The following EPM2A variants were observed in gnomAD, a reference collection of about 807,000 sequenced individuals.
EPM2A encodes EPM2A glucan phosphatase, laforin.
EPM2A carries 21 observed loss-of-function variants against 26.5 expected under a neutral mutation model. The ratio of observed to expected loss-of-function variants is 0.79; its 90% CI spans 0.56 to 1.14. The LOEUF (loss-of-function observed/expected upper bound fraction) is 1.14, where lower values mean the gene tolerates loss of function less well. Ranked by LOEUF, EPM2A falls within the 50% of genes most tolerant of loss-of-function variation. EPM2A has a pLI of 0.00. For synonymous variants in EPM2A, 217 were observed against 177.6 expected, an observed-to-expected ratio of 1.22 and a Z score of -1.76; for missense variants, 458 against 440.8, an observed-to-expected ratio of 1.04 and a Z score of -0.35.
At chr6:145,480,960 T>C (rs1229321554) in intron 4 of EPM2A, among the ~76,000 whole-genome samples, 4 of 152,130 alleles carry the variant, frequency 2.6e-5, no homozygotes, top group Non-Finnish European at 5.9e-5. Flanking sequence ...GAGTCTAAAC[T>C]GGAGTTGCAT....
intron 2 of EPM2A, among the ~76,000 whole-genome samples, chr6:145,531,046 G>T (rs1382874675): frequency 6.6e-6 from 1 of 152,186 alleles, no homozygotes; most frequent in Non-Finnish European, 1.5e-5. Flanking sequence ...AAGATATGGT[G>T]TCTCCACTAT....
downstream of EPM2A, among the ~76,000 whole-genome samples, chr6:145,621,345 C>T (rs1278696433): frequency 1.3e-5 from 2 of 152,170 alleles, no homozygotes; most frequent in African/African-American, 4.8e-5. Context: ...ATTCATCTGT[C>T]ATTGGATACT....
intron 1 of EPM2A, among the ~76,000 whole-genome samples, chr6:145,704,353 T>A (rs1324871799): frequency 6.6e-6 from 1 of 152,160 alleles, no homozygotes; most frequent in Non-Finnish European, 1.5e-5. Flanking sequence ...AAAATTACAG[T>A]AGAGTGCAAG....
intron 4 of EPM2A, among the ~76,000 whole-genome samples, chr6:145,488,520 T>TGAGAGAGAGAGAGAGAGAGAGA (rs1215856544): frequency 2.9e-4 from 39 of 136,598 alleles, no homozygotes; most frequent in Middle Eastern, 3.7e-3. Context: ...TGTGTGTGTG[T>TGAGAGAGAGAGAGAGAGAGAGA]GTGAGAGAGA....
intron 4 of EPM2A, among the ~76,000 whole-genome samples, chr6:145,421,419 T>A (rs934312705): frequency 1.3e-5 from 2 of 152,138 alleles, no homozygotes; most frequent in Non-Finnish European, 1.5e-5. Flanking sequence ...TGCATTTGTG[T>A]ATCTTTGTAA....
intron 1 of EPM2A, among the ~76,000 whole-genome samples, chr6:145,724,601 T>C (rs955388729): frequency 6.6e-6 from 1 of 152,018 alleles, no homozygotes; most frequent in Non-Finnish European, 1.5e-5. Context: ...CTACACTATT[T>C]CAAGATTAGT....
At chr6:145,676,227 A>G (rs1780027516) in intron 2 of EPM2A, among the ~76,000 whole-genome samples, 1 of 152,230 alleles carries the variant, frequency 6.6e-6, no homozygotes, top group Admixed American at 6.5e-5. Context: ...TTTGAAACCA[A>G]TGAAAACAAA....
At chr6:145,723,954 C>T (rs1366155758) in intron 1 of EPM2A, among the ~76,000 whole-genome samples, 2 of 152,116 alleles carry the variant, frequency 1.3e-5, no homozygotes, top group East Asian at 3.8e-4. Context: ...AGAAAAATTT[C>T]TGAAAATTGT....
chr6:145,689,950 A>T (rs914394699), intron 1 of EPM2A, among the ~76,000 whole-genome samples: 5 of 152,152 alleles, frequency 3.3e-5, no homozygotes, highest in Non-Finnish European at 7.4e-5. Context: ...GACCTAGTGG[A>T]AAGTCAAGAT....
chr6:145,411,819 G>A (rs1178655304), intron 4 of EPM2A, among the ~76,000 whole-genome samples: 1 of 152,154 alleles, frequency 6.6e-6, no homozygotes, highest in Non-Finnish European at 1.5e-5. Flanking sequence ...TTGAATTCAT[G>A]TCTATGTGAA....
At chr6:145,554,429 TAG>T (rs761774873) in intron 2 of EPM2A, among the ~76,000 whole-genome samples, 1 of 136,580 alleles carries the variant, frequency 7.3e-6, no homozygotes, top group South Asian at 2.3e-4. Context: ...AGATGATAGA[TAG>T]ATAGATAGAT....
intron 2 of EPM2A, among the ~76,000 whole-genome samples, chr6:145,572,465 C>A (rs1780971404): frequency 6.6e-6 from 1 of 152,166 alleles, no homozygotes; most frequent in South Asian, 2.1e-4. Context: ...TGCTGCTGTG[C>A]ACGACCCACT....
At position 145,554,459 on chromosome 6, in the gene EPM2A, G is replaced by GATAGATAGATAGATAGATAC. The variant is rs1187061981; in HGVS notation, c.341-51885_341-51884insGTATCTATCTATCTATCTAT. Among the ~76,000 whole-genome samples the GATAGATAGATAGATAGATAC allele has an allele frequency of 2.0e-3, 308 of 151,580 alleles. 2 individuals carry two copies. Among genetic ancestry groups the GATAGATAGATAGATAGATAC allele is most frequent in the Middle Eastern group, 3.4e-3 (1 of 294 alleles). ...AGATAGATAGATAGATAGATAGATA[G>GATAGATAGATAGATAGATAC]ATAGATAGATACATAGACAGAGAGA... On this transcript the variant is annotated intron_variant, in intron 2 of 3. Transcript: ENST00000450221.
rs1044983375 is a variant in EPM2A, at chr6:145,530,361, G to A, written c.341-27786C>T. 2.8e-4 allele frequency among the ~76,000 whole-genome samples: 43 copies of A among 152,148 alleles called. 1 individual carries two copies. The highest frequency in any genetic ancestry group is 2.1e-3 in the Admixed American group (32 of 15,274). On this transcript the variant is annotated intron_variant, in intron 2 of 3. Coordinates refer to the EPM2A transcript ENST00000450221. ...AAAGTTTATTAACGAATTTACATTC[G>A]TTTTACTTCATTCACCATTATTGAA... is the stretch of plus-strand genomic sequence containing the variant.
chr6:145,397,029 T>C (rs2114662995), intron 4 of EPM2A, among the ~76,000 whole-genome samples: 1 of 152,210 alleles, frequency 6.6e-6, no homozygotes, highest in East Asian at 1.9e-4. Context: ...TTAAAAACCA[T>C]CTGGCAAAAA....
intron 2 of EPM2A, among the ~76,000 whole-genome samples, chr6:145,502,954 G>A (rs1779914109): frequency 6.6e-6 from 1 of 152,142 alleles, no homozygotes; most frequent in Non-Finnish European, 1.5e-5. Context: ...TTAGTTTGCA[G>A]AGCACAGATT....
intron 2 of EPM2A, among the ~76,000 whole-genome samples, chr6:145,569,907 G>A (rs1341412051): frequency 2.0e-5 from 3 of 151,934 alleles, no homozygotes; most frequent in African/African-American, 7.3e-5. Context: ...TGATCACAAG[G>A]TCCCACAATA....
chr6:145,710,148 A>G (rs1221845956), intron 1 of EPM2A, among the ~76,000 whole-genome samples: 2 of 152,146 alleles, frequency 1.3e-5, no homozygotes, highest in African/African-American at 4.8e-5. Context: ...GCTTCTGCAC[A>G]GCAAAAGAAA....
intron 4 of EPM2A, among the ~76,000 whole-genome samples, chr6:145,471,617 C>A (rs753302511): frequency 6.6e-6 from 1 of 152,054 alleles, no homozygotes; most frequent in East Asian, 1.9e-4. Context: ...TGGGCATTGG[C>A]GGAGAACACA....
Sources: allele counts gnomAD v4.1 joint callset (sites outside exome capture counted in the v4.1 genomes callset), GRCh38; gene constraint gnomAD v4.1.1; transcripts MANE v1.5; gene names NCBI Gene and HGNC (gene_info 2026-07-23, HGNC 2026-07-21).